Variants in CEP112 observed in about 807,000 individuals in gnomAD.
The protein encoded by CEP112 is centrosomal protein of 112 kDa.
CEP112 carries 127 observed loss-of-function variants against 153.0 expected under a neutral mutation model. The observed-to-expected ratio is 0.83, with a 90% CI of 0.72 to 0.96. CEP112 has a LOEUF of 0.96. Among genes scored for constraint, CEP112 ranks in the 40% least tolerant of loss-of-function variants. The pLI, the probability that CEP112 is intolerant of heterozygous loss-of-function variation, is 0.00. For missense variants in CEP112, 1,089 were observed against 1,101.2 expected, an observed-to-expected ratio of 0.99 and a Z score of 0.16; for synonymous variants, 358 against 374.4, an observed-to-expected ratio of 0.96 and a Z score of 0.51.
At chr17:65,636,811 C>G in intron 26 of CEP112, 1 of 260,048 alleles carries the variant, frequency 3.8e-6, no homozygotes, top group East Asian at 7.9e-5. Flanking sequence ...AACGTTTTAC[C>G]AAGTTGGCCA....
chr17:66,038,950 C>G (rs2065859647), intron 12 of CEP112, among the ~76,000 whole-genome samples: 1 of 151,980 alleles, frequency 6.6e-6, no homozygotes, highest in Non-Finnish European at 1.5e-5. Context: ...CAACAACGGC[C>G]AGGACTCAAT....
At chr17:65,865,894 C>T (rs939009748) in intron 20 of CEP112, among the ~76,000 whole-genome samples, 1 of 152,192 alleles carries the variant, frequency 6.6e-6, no homozygotes, top group African/African-American at 2.4e-5. Context: ...CAGAGAGGTG[C>T]CCTGAGGCGG....
At chr17:65,757,402 A>G (rs1182687835) in intron 21 of CEP112, among the ~76,000 whole-genome samples, 1 of 152,196 alleles carries the variant, frequency 6.6e-6, no homozygotes, top group Non-Finnish European at 1.5e-5. Flanking sequence ...GGATGGTAGA[A>G]AACATCTTTG....
At chr17:65,653,607 C>T (rs1304512942) in intron 24 of CEP112, among the ~76,000 whole-genome samples, 2 of 151,990 alleles carry the variant, frequency 1.3e-5, no homozygotes, top group African/African-American at 4.8e-5. Context: ...TGGCGAAGGG[C>T]CAGAGGAGGT....
chr17:65,763,737 C>A (rs62062337), intron 21 of CEP112, among the ~76,000 whole-genome samples: 17,327 of 152,074 alleles, frequency 0.11, 1,199 homozygotes, highest in Non-Finnish European at 0.16. Flanking sequence ...TCCATTAAAA[C>A]CCTTAGCACA....
intron 23 of CEP112, among the ~76,000 whole-genome samples, chr17:65,712,892 G>A (rs1242188855): frequency 2.0e-5 from 3 of 152,080 alleles, no homozygotes; most frequent in African/African-American, 7.2e-5. Context: ...ACTATAATGA[G>A]GCTTGCATTC....
chr17:65,701,468 T>C (rs930655222), intron 23 of CEP112, among the ~76,000 whole-genome samples: 3 of 152,146 alleles, frequency 2.0e-5, no homozygotes, highest in Non-Finnish European at 4.4e-5. Context: ...AAGGAACAGT[T>C]TTGGGGAAGT....
chr17:65,979,889 A>G (rs1475036432), intron 17 of CEP112, among the ~76,000 whole-genome samples: 1 of 152,192 alleles, frequency 6.6e-6, no homozygotes, highest in African/African-American at 2.4e-5. Flanking sequence ...GGTAAAAAAT[A>G]GTTTGAAACT....
chr17:66,027,665 G>C (rs2065273741), intron 15 of CEP112, 105 bp from the exon 16 acceptor site: 1 of 828,080 alleles, frequency 1.2e-6, no homozygotes, highest in South Asian at 2.1e-5. Context: ...TCAAACTTCA[G>C]TTCAGAGTTT....
intron 19 of CEP112, among the ~76,000 whole-genome samples, chr17:65,920,354 A>G (rs1377660934): frequency 2.4e-5 from 2 of 83,024 alleles, no homozygotes; most frequent in Non-Finnish European, 4.7e-5. Flanking sequence ...CTAAAAACAA[A>G]CAAACAAAAT....
intron 4 of CEP112, among the ~76,000 whole-genome samples, chr17:66,159,786 C>T (rs957488488): frequency 2.0e-5 from 3 of 152,002 alleles, no homozygotes; most frequent in Non-Finnish European, 4.4e-5. Flanking sequence ...CTTTGAAAAC[C>T]GGCATAAGAC....
At chr17:65,942,229 G>A (rs184002361) in intron 18 of CEP112, among the ~76,000 whole-genome samples, 2 of 152,214 alleles carry the variant, frequency 1.3e-5, no homozygotes, top group East Asian at 1.9e-4. Context: ...CTGTGCATGC[G>A]AGGGATCTAG....
chr17:66,071,710 T>C (rs1437228755), intron 8 of CEP112, among the ~76,000 whole-genome samples: 2 of 152,104 alleles, frequency 1.3e-5, no homozygotes, highest in Admixed American at 6.6e-5. Flanking sequence ...CACACCAAGT[T>C]AGCTATTTTG....
At chr17:65,769,642 G>T (rs2053217148) in intron 21 of CEP112, among the ~76,000 whole-genome samples, 1 of 151,982 alleles carries the variant, frequency 6.6e-6, no homozygotes, top group Non-Finnish European at 1.5e-5. Context: ...TTCAGCAAGG[G>T]CAACAAGAAA....
At chr17:65,799,736 CAACTG>C (rs1417473105) in intron 21 of CEP112, among the ~76,000 whole-genome samples, 1 of 152,194 alleles carries the variant, frequency 6.6e-6, no homozygotes, top group Non-Finnish European at 1.5e-5. Context: ...GCAAGTCAAA[CAACTG>C]AACAAAAGGA....
intron 11 of CEP112, among the ~76,000 whole-genome samples, chr17:66,054,215 G>C (rs956936523): frequency 1.3e-5 from 2 of 152,110 alleles, no homozygotes; most frequent in Non-Finnish European, 2.9e-5. Flanking sequence ...TGAGAAAACA[G>C]AAACATTATA....
chr17:65,759,333 G>T (rs1410217750), intron 21 of CEP112, among the ~76,000 whole-genome samples: 2 of 151,876 alleles, frequency 1.3e-5, no homozygotes, highest in Non-Finnish European at 2.9e-5. Flanking sequence ...CTTTTACTTT[G>T]CGGACTCAAC....
intron 11 of CEP112, among the ~76,000 whole-genome samples, chr17:66,054,295 C>A (rs1425835846): frequency 1.3e-5 from 2 of 152,206 alleles, no homozygotes; most frequent in South Asian, 2.1e-4. Flanking sequence ...GAATTTTGTA[C>A]ACCAGTAATG....
intron 20 of CEP112, among the ~76,000 whole-genome samples, chr17:65,894,395 G>A (rs940847593): frequency 8.6e-5 from 13 of 151,816 alleles, no homozygotes; most frequent in African/African-American, 1.9e-4. Flanking sequence ...CCCTTGTATC[G>A]GTATGAAAAA....
Sources: gnomAD v4.1 joint callset for allele counts (sites outside exome capture counted in the v4.1 genomes callset) on GRCh38, gnomAD v4.1.1 for gene constraint, MANE v1.5 for transcripts, NCBI Gene and HGNC (gene_info 2026-07-23, HGNC 2026-07-21) for gene names.